FHIT: variants seen among roughly 807,000 people sequenced by gnomAD.
FHIT encodes the protein bis(5'-adenosyl)-triphosphatase.
In FHIT, 19 loss-of-function variants were observed where a neutral mutation model predicts 17.9. That is an observed-to-expected ratio of 1.06 (90% CI 0.74 to 1.56). FHIT has a LOEUF of 1.56. Among genes scored for constraint, FHIT ranks in the 40% most tolerant of loss-of-function variants. The probability of loss-of-function intolerance (pLI) is 0.00; values close to 1 mark genes in which losing one functional copy is unlikely to be tolerated. For synonymous variants in FHIT, 81 were observed against 69.7 expected (o/e 1.16, Z -0.81); for missense variants, 248 against 189.2 (o/e 1.31, Z -1.82).
chr3:59,788,741 C>A (rs17061223), intron 8 of FHIT, among the ~76,000 whole-genome samples: 3 of 152,096 alleles, frequency 2.0e-5, no homozygotes, highest in Non-Finnish European at 4.4e-5. Flanking sequence ...TGCACATTAA[C>A]CTGCCACCCA....
At chr3:60,133,738 CTT>C (rs369954379) in intron 5 of FHIT, among the ~76,000 whole-genome samples, 1 of 144,468 alleles carries the variant, frequency 6.9e-6, no homozygotes. Flanking sequence ...CTCCTCCTGA[CTT>C]TTTTTTTTTT....
At chr3:59,937,277 G>A (rs917407202) in intron 7 of FHIT, among the ~76,000 whole-genome samples, 1 of 152,096 alleles carries the variant, frequency 6.6e-6, no homozygotes, top group African/African-American at 2.4e-5. Context: ...AGCCATGGCT[G>A]GGTTGTTTAA....
chr3:60,962,521 G>T (rs1404226696), intron 3 of FHIT, among the ~76,000 whole-genome samples: 1 of 152,200 alleles, frequency 6.6e-6, no homozygotes, highest in Non-Finnish European at 1.5e-5. Context: ...TTTTCAAAGT[G>T]AATGCTTCCA....
In FHIT at chr3:60,536,263, C is replaced by T. The variant is rs1407637846; in HGVS notation, c.103+597G>A. On this transcript the variant is annotated intron_variant, in intron 5 of 9. Transcript: ENST00000492590. ...GTGGTCAGAGGGAAATAAAACAACT[C>T]CACCAATGACACTGGTCAATGATCT... 2.0e-5 allele frequency: 3 copies of T among 152,132 alleles called. No individual in the cohort carries two copies. In the East Asian group the frequency reaches 5.8e-4, roughly 29 times the overall value. 9.4% of individuals were successfully genotyped at this position (152,132 alleles called of 1,614,324 possible).
chr3:61,208,187 T>C (rs566534535), intron 1 of FHIT, among the ~76,000 whole-genome samples: 1 of 152,288 alleles, frequency 6.6e-6, no homozygotes, highest in African/African-American at 2.4e-5. Flanking sequence ...AGACAGTTTC[T>C]TCTAATTTCT....
chr3:60,316,619 G>A (rs1198236508), intron 5 of FHIT, among the ~76,000 whole-genome samples: 4 of 152,150 alleles, frequency 2.6e-5, no homozygotes, highest in Non-Finnish European at 5.9e-5. Flanking sequence ...TCTAAAGCAT[G>A]CCATTTGCAT....
At chr3:61,211,542 C>T (rs2039474567) in intron 1 of FHIT, among the ~76,000 whole-genome samples, 1 of 152,232 alleles carries the variant, frequency 6.6e-6, no homozygotes. Flanking sequence ...TCAAGGAGGC[C>T]TGCCTGCCTC....
chr3:60,318,842 A>T (rs1709286273), intron 5 of FHIT, among the ~76,000 whole-genome samples: 1 of 152,242 alleles, frequency 6.6e-6, no homozygotes, highest in South Asian at 2.1e-4. Flanking sequence ...GCTAAAGTCA[A>T]GTTGTTGGCA....
chr3:60,665,820 T>C lies in FHIT; in HGVS notation c.-17-128841A>G, dbSNP rs199903519. Among the ~76,000 whole-genome samples the C allele has an allele frequency of 7.9e-5, 12 of 152,102 alleles. No homozygotes were observed. The East Asian group carries it at 2.3e-3, about 29-fold the overall frequency. On this transcript the variant is annotated intron_variant, in intron 4 of 9. Coordinates refer to ENST00000492590, the MANE Select transcript of FHIT (RefSeq NM_002012.4). Reference sequence around the variant, plus strand: ...TCACTATACCATTTCATTACTTGTTTTCTATTTGATTCCTCTGGTTCTCAT... The same window carrying C: ...TCACTATACCATTTCATTACTTGTTCTCTATTTGATTCCTCTGGTTCTCAT...
chr3:60,938,257 CT>C (rs761467269), intron 3 of FHIT, among the ~76,000 whole-genome samples: 17 of 152,138 alleles, frequency 1.1e-4, no homozygotes, highest in Non-Finnish European at 2.4e-4. Flanking sequence ...CTTAAGCTTC[CT>C]ACTGTGTTGT....
At chr3:61,139,051 A>G (rs9883535) in intron 2 of FHIT, among the ~76,000 whole-genome samples, 19,330 of 144,444 alleles carry the variant, frequency 0.13, 1,372 homozygotes, top group Non-Finnish European at 0.16. Flanking sequence ...TTTTTTTGAG[A>G]CAGAGTCTCA....
chr3:59,801,146 G>A (rs1278296766), intron 8 of FHIT, among the ~76,000 whole-genome samples: 1 of 152,166 alleles, frequency 6.6e-6, no homozygotes, highest in African/African-American at 2.4e-5. Context: ...ATTGAGCACT[G>A]TATGCCAGGC....
intron 5 of FHIT, among the ~76,000 whole-genome samples, chr3:60,523,041 G>T (rs2035433520): frequency 6.6e-6 from 1 of 152,060 alleles, no homozygotes; most frequent in African/African-American, 2.4e-5. Context: ...AAGTGAAAGG[G>T]GAAACTCCTT....
chr3:60,013,775 C>T (rs1575885266), intron 6 of FHIT, among the ~76,000 whole-genome samples: 1 of 152,148 alleles, frequency 6.6e-6, no homozygotes. Context: ...TTATCCATTA[C>T]TCCCACCTGC....
chr3:59,872,728 T>A (rs528608110), intron 8 of FHIT, among the ~76,000 whole-genome samples: 1 of 152,310 alleles, frequency 6.6e-6, no homozygotes, highest in East Asian at 1.9e-4. Context: ...CTTTATCCTA[T>A]AGCTGTAGTG....
At chr3:60,503,753 T>C (rs972289411) in intron 5 of FHIT, among the ~76,000 whole-genome samples, 5 of 152,176 alleles carry the variant, frequency 3.3e-5, no homozygotes, top group Admixed American at 3.3e-4. Context: ...TATCATACTA[T>C]ATGTAGAGTA....
At chr3:60,240,225 T>C (rs1462850261) in intron 5 of FHIT, among the ~76,000 whole-genome samples, 1 of 152,224 alleles carries the variant, frequency 6.6e-6, no homozygotes, top group Non-Finnish European at 1.5e-5. Flanking sequence ...GACTGCTTTC[T>C]GATTCTTCTA....
At chr3:60,123,889 ATT>A (rs917423068) in intron 5 of FHIT, among the ~76,000 whole-genome samples, 2 of 148,112 alleles carry the variant, frequency 1.4e-5, no homozygotes, top group African/African-American at 5.0e-5. Context: ...ACTTAAAAAT[ATT>A]TGTTACATGA....
At chr3:60,818,377 T>C (rs1473211532) in intron 4 of FHIT, among the ~76,000 whole-genome samples, 1 of 152,146 alleles carries the variant, frequency 6.6e-6, no homozygotes, top group Non-Finnish European at 1.5e-5. Flanking sequence ...TTCTGAAGGG[T>C]ATTGATTTAT....
Sources: gnomAD v4.1 joint callset for allele counts (sites outside exome capture counted in the v4.1 genomes callset) on GRCh38, gnomAD v4.1.1 for gene constraint, MANE v1.5 for transcripts, NCBI Gene and HGNC (gene_info 2026-07-23, HGNC 2026-07-21) for gene names.